DAB1: variants seen among roughly 807,000 people sequenced by gnomAD.
The protein encoded by DAB1 is disabled homolog 1.
Under a neutral mutation model 64.6 loss-of-function variants are expected in DAB1, and 15 were observed. The observed-to-expected ratio is 0.23, with a 90% CI of 0.16 to 0.36. DAB1 has a LOEUF of 0.36. Among genes scored for constraint, DAB1 ranks in the 10% least tolerant of loss-of-function variants. The pLI is 1.00. For synonymous variants in DAB1, 235 were observed against 251.9 expected (o/e 0.93, Z 0.64); for missense variants, 596 against 706.7 (o/e 0.84, Z 1.78).
chr1:57,758,090 T>C (rs1303736375), intron 6 of DAB1, among the ~76,000 whole-genome samples: 2 of 152,200 alleles, frequency 1.3e-5, no homozygotes, highest in Non-Finnish European at 2.9e-5. Flanking sequence ...TCAGTTTATC[T>C]GTCAAATGGG....
At chr1:57,362,117 C>A (rs958512698) in intron 1 of DAB1, among the ~76,000 whole-genome samples, 7 of 152,104 alleles carry the variant, frequency 4.6e-5, no homozygotes, top group African/African-American at 1.7e-4. Context: ...ATATGAGATA[C>A]CTGCCATCAG....
At chr1:57,718,219 T>TGTG (rs1313402300) in intron 6 of DAB1, among the ~76,000 whole-genome samples, 2 of 152,178 alleles carry the variant, frequency 1.3e-5, no homozygotes, top group Non-Finnish European at 2.9e-5. Flanking sequence ...TTACCCTCAT[T>TGTG]TAATCCTTAC....
chr1:58,505,822 G>T (rs912030331), intron 3 of DAB1, among the ~76,000 whole-genome samples: 2 of 151,986 alleles, frequency 1.3e-5, no homozygotes, highest in African/African-American at 4.8e-5. Flanking sequence ...CATACTAAAG[G>T]AGTTAAACCT....
In DAB1 at chr1:58,146,131, T is replaced by C. The variant is rs1003671037; in HGVS notation, n.387+4380A>G. ...ATATAACATACTAAATTTGTGTTAA[T>C]TGACTGTTTAGGTTATTGGTAAGGC... On this transcript the variant is annotated intron_variant and non_coding_transcript_variant, in intron 5 of 20. Transcript: ENST00000485760. 3.3e-5 allele frequency among the ~76,000 whole-genome samples: 5 copies of C among 152,234 alleles called. No individual in the cohort carries two copies. The East Asian group carries it at 5.8e-4, about 18-fold the overall frequency.
chr1:57,936,632 A>C (rs1645029050), intron 5 of DAB1, among the ~76,000 whole-genome samples: 1 of 151,676 alleles, frequency 6.6e-6, no homozygotes, highest in Admixed American at 6.6e-5. Context: ...CGAACTCTTG[A>C]TCTCAGGTGA....
At chr1:57,555,004 C>CTCTCAA (rs1276217516) in intron 7 of DAB1, among the ~76,000 whole-genome samples, 1 of 148,472 alleles carries the variant, frequency 6.7e-6, no homozygotes, top group African/African-American at 2.5e-5. Context: ...CATGTTAGAG[C>CTCTCAA]TCTCAATCTT....
chr1:57,287,751 T>C (rs1672430198), intron 2 of DAB1, among the ~76,000 whole-genome samples: 1 of 151,332 alleles, frequency 6.6e-6, no homozygotes. Context: ...AATGAATTAA[T>C]GCTGTTACCA....
At chr1:58,024,228 C>T (rs1336419575) in intron 5 of DAB1, among the ~76,000 whole-genome samples, 2 of 152,140 alleles carry the variant, frequency 1.3e-5, no homozygotes, top group Non-Finnish European at 2.9e-5. Context: ...AACATAAAGG[C>T]CTGTGTATCT....
At chr1:57,861,146 A>C (rs1417550270) in intron 1 of DAB1, 2 of 152,286 alleles carry the variant, frequency 1.3e-5, no homozygotes, top group Non-Finnish European at 2.9e-5. Context: ...GCACTCGCCC[A>C]TAGCTATGAG....
intron 1 of DAB1, among the ~76,000 whole-genome samples, chr1:57,321,264 A>G (rs1675691973): frequency 1.3e-5 from 2 of 152,220 alleles, no homozygotes. Context: ...TTAGAAACCC[A>G]TCTTCCAATA....
intron 5 of DAB1, among the ~76,000 whole-genome samples, chr1:57,946,821 CT>C (rs1645191183): frequency 6.6e-6 from 1 of 152,190 alleles, no homozygotes; most frequent in Admixed American, 6.5e-5. Flanking sequence ...CTTTAATACA[CT>C]TTCCTCAAGT....
At chr1:57,934,168 A>C (rs544910712) in intron 5 of DAB1, among the ~76,000 whole-genome samples, 1 of 151,030 alleles carries the variant, frequency 6.6e-6, no homozygotes, top group South Asian at 2.1e-4. Context: ...CTCGTGATCC[A>C]CCCACTTTGG....
intron 3 of DAB1, among the ~76,000 whole-genome samples, chr1:58,380,889 C>T (rs1385746746): frequency 6.6e-6 from 1 of 152,144 alleles, no homozygotes; most frequent in Non-Finnish European, 1.5e-5. Context: ...ATGAAATCAA[C>T]CCAAATGCCC....
intron 1 of DAB1, among the ~76,000 whole-genome samples, chr1:57,861,985 G>C (rs1339186405): frequency 6.6e-6 from 1 of 151,900 alleles, no homozygotes; most frequent in Non-Finnish European, 1.5e-5. Flanking sequence ...CCTTGTGATG[G>C]GAAGTTCAGC....
chr1:57,610,374 G>C (rs1539055), intron 7 of DAB1, among the ~76,000 whole-genome samples: 141,396 of 152,218 alleles, frequency 0.93, 66,050 homozygotes, highest in East Asian at 1. Flanking sequence ...TTCATTTTAA[G>C]CCCATGAGAA....
chr1:58,313,848 T>TGAGAGA (rs1358014875), intron 4 of DAB1, among the ~76,000 whole-genome samples: 2 of 145,096 alleles, frequency 1.4e-5, no homozygotes, highest in African/African-American at 5.3e-5. Context: ...TGTGTGTGTG[T>TGAGAGA]GTGTGTGTGA....
chr1:57,440,028 G>C (rs111230133), intron 7 of DAB1, among the ~76,000 whole-genome samples: 146 of 152,048 alleles, frequency 9.6e-4, no homozygotes, highest in African/African-American at 3.4e-3. Flanking sequence ...ATTTCTTCCT[G>C]ACTTCACCTT....
chr1:58,284,945 T>C (rs1318268993), intron 4 of DAB1, among the ~76,000 whole-genome samples: 1 of 152,204 alleles, frequency 6.6e-6, no homozygotes, highest in African/African-American at 2.4e-5. Flanking sequence ...ACTACATATG[T>C]TGAAATCATC....
intron 4 of DAB1, among the ~76,000 whole-genome samples, chr1:58,258,519 C>T (rs776059326): frequency 6.6e-6 from 1 of 152,092 alleles, no homozygotes; most frequent in Non-Finnish European, 1.5e-5. Flanking sequence ...CCTGTCTGGA[C>T]TCATTTTTCA....
Sources: gnomAD v4.1 joint callset for allele counts (sites outside exome capture counted in the v4.1 genomes callset) on GRCh38, gnomAD v4.1.1 for gene constraint, MANE v1.5 for transcripts, NCBI Gene and HGNC (gene_info 2026-07-23, HGNC 2026-07-21) for gene names.